NOS1: variants seen among roughly 807,000 people sequenced by gnomAD.
NOS1 encodes the protein NOS type I.
In NOS1, 51 loss-of-function variants were observed where a neutral mutation model predicts 164.5. The ratio of observed to expected loss-of-function variants is 0.31; its 90% CI spans 0.25 to 0.39. NOS1 has a LOEUF of 0.39. Ranked by LOEUF, NOS1 falls within the 10% of genes least tolerant of loss-of-function variation. The pLI, the probability that NOS1 is intolerant of heterozygous loss-of-function variation, is 1.00. For synonymous variants in NOS1, 719 were observed against 745.8 expected, an observed-to-expected ratio of 0.96 and a Z score of 0.59; for missense variants, 1,362 against 1,885.6, an observed-to-expected ratio of 0.72 and a Z score of 5.14.
chr12:117,330,727 C>T lies in NOS1; in HGVS notation c.343G>A (p.Gly115Arg), dbSNP rs1487091479. The change falls in exon 2 of 29, where the codon GGG (glycine) becomes AGG (arginine). Residue 115 changes from glycine (G) to arginine (R), a missense_variant. This residue lies in a region of NOS1 where 362 missense variants were observed against 402.0 expected (regional missense o/e 0.90). Coordinates refer to ENST00000317775, the MANE Select transcript of NOS1 (RefSeq NM_000620.5). The surrounding 1 kb of genome is among the most constrained non-coding windows in gnomAD (Gnocchi z 4.6). ...GTCACCCGGATGGTCTTGGGGGTCC[C>T]ATCACCTGTAAAGGTGGTCTCCAGG... is the stretch of plus-strand genomic sequence containing the variant. ...THLETTFTGD[G>R]TPKTIRVTQP... The T allele has an allele frequency of 1.2e-6, 2 of 1,614,004 alleles. No homozygotes were observed. Among genetic ancestry groups the T allele is most frequent in the Non-Finnish European group, 1.7e-6 (2 of 1,179,940 alleles).
In NOS1 at chr12:117,213,443, G is replaced by A. The variant is rs1450433320; in HGVS notation, c.*1866C>T. On this transcript the variant is annotated 3_prime_UTR_variant, in exon 29 of 29. Transcript: ENST00000317775. ...GAAATTGGGATTAAAGGAAGGCAGG[G>A]GAGATTATAGCTGGCATGAAGTCAA... 10 of 985,390 alleles carry A rather than the reference G, an allele frequency of 1.0e-5. No individual in the cohort carries two copies. In the South Asian group the frequency reaches 4.7e-4, roughly 46 times the overall value. 61.0% of individuals were successfully genotyped at this position (985,390 alleles called of 1,614,324 possible).
At chr12:117,357,923 C>T (rs1165171778) in intron 1 of NOS1, among the ~76,000 whole-genome samples, 1 of 152,200 alleles carries the variant, frequency 6.6e-6, no homozygotes, top group Non-Finnish European at 1.5e-5. Context: ...TCTGTTCAAA[C>T]AATCCAGATT....
rs1318111976 is a variant in NOS1 at position 117,330,729 on chromosome 12, T to C, written c.341A>G (p.Asp114Gly). The change falls in exon 2 of 29, where the codon GAT becomes GGT. Residue 114 changes from aspartate (D) to glycine (G), a missense_variant. Coordinates refer to ENST00000317775, the MANE Select transcript of NOS1 (RefSeq NM_000620.5). This position sits in a 1 kb window ranked among gnomAD's most constrained non-coding sequence, Gnocchi z 4.6. ...CACCCGGATGGTCTTGGGGGTCCCA[T>C]CACCTGTAAAGGTGGTCTCCAGGTG... ...TTHLETTFTG[D>G]GTPKTIRVTQ... 4 of 1,613,788 alleles carry C rather than the reference T, an allele frequency of 2.5e-6. No homozygotes were observed. In the African/African-American group the frequency reaches 5.3e-5, roughly 22 times the overall value.
chr12:117,263,111 A>C (rs902575381), intron 13 of NOS1, among the ~76,000 whole-genome samples: 1 of 152,144 alleles, frequency 6.6e-6, no homozygotes, highest in African/African-American at 2.4e-5. Context: ...GACAGCAGGG[A>C]CAGCATTTGT....
At chr12:117,287,240 AT>A (rs1455057374) in intron 5 of NOS1, among the ~76,000 whole-genome samples, 1 of 152,120 alleles carries the variant, frequency 6.6e-6, no homozygotes, top group African/African-American at 2.4e-5. Context: ...AAAAAAATTC[AT>A]ATAAATGGTG....
intron 28 of NOS1, among the ~76,000 whole-genome samples, chr12:117,217,664 C>G (rs953576612): frequency 6.6e-5 from 10 of 151,672 alleles, no homozygotes; most frequent in Non-Finnish European, 1.2e-4. Context: ...GAGACTGTGT[C>G]ACTGCACTCC....
At chr12:117,257,961 C>G (rs552928752) in intron 16 of NOS1, among the ~76,000 whole-genome samples, 15 of 152,108 alleles carry the variant, frequency 9.9e-5, no homozygotes, top group African/African-American at 3.6e-4. Flanking sequence ...TGCGCCACCA[C>G]GCCCGCCTAA....
chr12:117,213,791 T>A lies in NOS1; in HGVS notation c.*1518A>T. 1.0e-6 allele frequency: 1 copy of A among 985,398 alleles called. No individual in the cohort carries two copies. Among genetic ancestry groups the A allele is most frequent in the Non-Finnish European group, 1.2e-6 (1 of 829,944 alleles). The allele number at this position is 985,398 out of a possible 1,614,324, so 61.0% of individuals were successfully genotyped here. On this transcript the variant is annotated 3_prime_UTR_variant, in exon 29 of 29. Coordinates refer to ENST00000317775, the MANE Select transcript of NOS1 (RefSeq NM_000620.5). ...CCTGCAGTCTGGGAGGCCACTAGGATTTCTTGTCTCTTTCTGGGAACTGCC... is the reference window on the plus strand; with the variant it reads ...CCTGCAGTCTGGGAGGCCACTAGGAATTCTTGTCTCTTTCTGGGAACTGCC...
chr12:117,225,891 A>G (rs1162585077), intron 24 of NOS1, among the ~76,000 whole-genome samples: 1 of 152,156 alleles, frequency 6.6e-6, no homozygotes, highest in Admixed American at 6.5e-5. Flanking sequence ...GGCCTCCAAA[A>G]GTGTTGGGAT....
intron 13 of NOS1, among the ~76,000 whole-genome samples, chr12:117,261,221 T>A (rs1287584040): frequency 3.4e-5 from 5 of 148,792 alleles, no homozygotes. Flanking sequence ...CCAGAGCAAT[T>A]AGTCATGAAT....
chr12:117,317,899 T>G (rs1389910454), intron 2 of NOS1, among the ~76,000 whole-genome samples: 1 of 152,176 alleles, frequency 6.6e-6, no homozygotes, highest in South Asian at 2.1e-4. Context: ...TGGCCCGGCA[T>G]GGTGACTCAT....
chr12:117,288,627 C>T (rs1336747558), intron 4 of NOS1, among the ~76,000 whole-genome samples: 1 of 152,104 alleles, frequency 6.6e-6, no homozygotes, highest in Non-Finnish European at 1.5e-5. Context: ...GTATTCACAC[C>T]CTTTGAGATG....
chr12:117,219,927 A>G, intron 27 of NOS1, 148 bp downstream of exon 27: 1 of 740,582 alleles, frequency 1.4e-6, no homozygotes, highest in Non-Finnish European at 2.2e-6. Context: ...GGGACCATCT[A>G]TATCCTCTAC....
chr12:117,211,899 T>C lies in NOS1; in HGVS notation c.*3410A>G. On this transcript the variant is annotated 3_prime_UTR_variant, in exon 29 of 29. Coordinates refer to ENST00000317775, the MANE Select transcript of NOS1 (RefSeq NM_000620.5). ...GGCCAACATGGTGAAACCCTGACTC[T>C]ACTAAAAATACAAAACTTAGCTGGG... The C allele has an allele frequency of 3.9e-6, 3 of 777,244 alleles. No individual in the cohort carries two copies. The highest frequency in any genetic ancestry group is 1.6e-6 in the Non-Finnish European group (1 of 640,450). The allele number at this position is 777,244 out of a possible 1,614,324, so 48.1% of individuals were successfully genotyped here.
intron 13 of NOS1, among the ~76,000 whole-genome samples, chr12:117,262,107 C>T (rs1026281173): frequency 4.6e-5 from 7 of 152,084 alleles, no homozygotes; most frequent in Non-Finnish European, 7.3e-5. Flanking sequence ...AAACCGCCCA[C>T]GATGCAGGAA....
At chr12:117,251,006 T>C (rs529426113) in intron 17 of NOS1, among the ~76,000 whole-genome samples, 2 of 152,350 alleles carry the variant, frequency 1.3e-5, no homozygotes, top group Admixed American at 1.3e-4. Flanking sequence ...CCCAGATTCA[T>C]AGGTTGAAAC....
chr12:117,302,984 G>T (rs1873926965), intron 3 of NOS1, among the ~76,000 whole-genome samples: 1 of 152,134 alleles, frequency 6.6e-6, no homozygotes, highest in African/African-American at 2.4e-5. Context: ...GATCTCAAGT[G>T]ATCCACCCTC....
At chr12:117,305,200 C>T (rs887611650) in intron 3 of NOS1, 33 of 475,154 alleles carry the variant, frequency 6.9e-5, no homozygotes, top group Admixed American at 4.5e-4. Flanking sequence ...CGGTGGCTCA[C>T]GCCTGTAATC....
chr12:117,280,267 C>A (rs993777060), intron 8 of NOS1, among the ~76,000 whole-genome samples: 3 of 152,106 alleles, frequency 2.0e-5, no homozygotes, highest in Admixed American at 2.0e-4. Context: ...GCTTGGGTGG[C>A]TCAAATTGTT....
Sources: allele counts gnomAD v4.1 joint callset (sites outside exome capture counted in the v4.1 genomes callset), GRCh38; gene constraint gnomAD v4.1.1; regional missense constraint gnomAD v4.1.1; non-coding constraint Gnocchi (gnomAD v3.1); transcripts MANE v1.5; gene names NCBI Gene and HGNC (gene_info 2026-07-23, HGNC 2026-07-21).